The following CSMD1 variants were observed in gnomAD, a reference collection of about 807,000 sequenced individuals.
CSMD1 encodes the protein CUB and Sushi multiple domains 1.
Under a neutral mutation model 417.5 loss-of-function variants are expected in CSMD1, and 213 were observed. The observed-to-expected ratio is 0.51, with a 90% CI of 0.46 to 0.57. CSMD1 has a LOEUF of 0.57. CSMD1 is among the 20% of genes least tolerant of loss of function. CSMD1 has a pLI of 0.00. For missense variants in CSMD1, 6,923 were observed against 4,529.7 expected (o/e 1.53, Z -15.17); for synonymous variants, 2,862 against 1,736.8 (o/e 1.65, Z -16.11).
intron 2 of CSMD1, among the ~76,000 whole-genome samples, chr8:4,516,964 A>G (rs1371538081): frequency 6.6e-6 from 1 of 152,146 alleles, no homozygotes. Context: ...ACTTTTCACT[A>G]TGAAAGATGA....
chr8:3,575,007 GAT>G lies in CSMD1; in HGVS notation c.1280_1281del (p.Tyr427SerfsTer5). On this transcript the variant is annotated frameshift_variant, in exon 10 of 70. Transcript: ENST00000635120. LOFTEE classifies it high-confidence loss of function. The part of the protein sequence containing the change: ...GPSGVITSPN[Y>X]PVQYEDNAHC... ...TGTGCATTATCTTCATACTGAACCG[GAT>G]AATTAGGGGAGGTAATGACGCCGCT... 1 of 1,612,858 alleles carries G rather than the reference GAT, an allele frequency of 6.2e-7. No homozygotes were observed. Among genetic ancestry groups the G allele is most frequent in the Non-Finnish European group, 8.5e-7 (1 of 1,179,476 alleles).
Position 4,561,223 on chromosome 8 carries a change from A to T in CSMD1, c.302+76119T>A, listed in dbSNP as rs560849201. Reference sequence around the variant, plus strand: ...CATCTCTGCTAAAATACAAAAAAACAAACAGTCAGGCGTGGTAGTGTGTGC... The same window carrying T: ...CATCTCTGCTAAAATACAAAAAAACTAACAGTCAGGCGTGGTAGTGTGTGC... On this transcript the variant is annotated intron_variant, in intron 2 of 69. Transcript: ENST00000635120. Among the ~76,000 whole-genome samples, 7 of 152,256 alleles carry T rather than the reference A, an allele frequency of 4.6e-5. No homozygotes were observed. The East Asian group carries it at 9.7e-4, about 21-fold the overall frequency.
chr8:4,159,279 G>C (rs556007237), intron 3 of CSMD1, among the ~76,000 whole-genome samples: 1 of 152,136 alleles, frequency 6.6e-6, no homozygotes, highest in African/African-American at 2.4e-5. Flanking sequence ...TTTAGTGTAA[G>C]TTTAATTTAT....
rs1253825959 is a variant in CSMD1 at position 3,970,033 on chromosome 8, T to C, written c.818+27870A>G. ...CAATAATTCTTTCTCACCTTTCCCT[T>C]CAGCATACTGAGCTACCAAACTACT... On this transcript the variant is annotated intron_variant, in intron 5 of 69. Coordinates refer to ENST00000635120, the MANE Select transcript of CSMD1 (RefSeq NM_033225.6). 2.0e-5 allele frequency among the ~76,000 whole-genome samples: 3 copies of C among 152,334 alleles called. No individual in the cohort carries two copies. In the East Asian group the frequency reaches 5.8e-4, roughly 29 times the overall value.
At chr8:4,516,476 G>A (rs970192663) in intron 2 of CSMD1, among the ~76,000 whole-genome samples, 20 of 152,246 alleles carry the variant, frequency 1.3e-4, no homozygotes, top group African/African-American at 3.9e-4. Context: ...GAGAGACAAC[G>A]GCTGGACCCC....
At chr8:4,444,146 A>G (rs1463089809) in intron 2 of CSMD1, among the ~76,000 whole-genome samples, 1 of 151,866 alleles carries the variant, frequency 6.6e-6, no homozygotes, top group African/African-American at 2.4e-5. Flanking sequence ...ATTTGAGACC[A>G]CTCTGGCCAA....
chr8:3,712,418 CAGACAGACAGACAGACAGACAGACAGAG>C (rs1801576375), intron 6 of CSMD1, among the ~76,000 whole-genome samples: 1 of 134,300 alleles, frequency 7.4e-6, no homozygotes, highest in South Asian at 2.2e-4. Context: ...GACAGACAGA[CAGACAGACAGACAGACAGACAGACAGAG>C]AGAGAGAGAA....
intron 21 of CSMD1, among the ~76,000 whole-genome samples, chr8:3,357,993 A>C (rs1190996151): frequency 6.6e-6 from 1 of 152,220 alleles, no homozygotes; most frequent in Admixed American, 6.5e-5. Context: ...CCAGAAATAT[A>C]GCTTTATCAT....
intron 5 of CSMD1, among the ~76,000 whole-genome samples, chr8:3,805,726 C>G (rs895341256): frequency 1.3e-5 from 2 of 151,836 alleles, no homozygotes; most frequent in Admixed American, 6.6e-5. Context: ...TTTTTTAATT[C>G]GAGAATCTTA....
At chr8:4,308,699 A>C (rs1798391694) in intron 3 of CSMD1, among the ~76,000 whole-genome samples, 1 of 152,202 alleles carries the variant, frequency 6.6e-6, no homozygotes, top group Admixed American at 6.5e-5. Context: ...TTTGGAGTTT[A>C]ATTGCATTTG....
intron 5 of CSMD1, among the ~76,000 whole-genome samples, chr8:3,920,376 T>C (rs2129143696): frequency 6.6e-6 from 1 of 152,060 alleles, no homozygotes; most frequent in South Asian, 2.1e-4. Flanking sequence ...TGTGTGTGTT[T>C]ATGTGTGTGT....
chr8:4,045,632 G>A (rs1224126824), intron 3 of CSMD1, among the ~76,000 whole-genome samples: 3 of 152,204 alleles, frequency 2.0e-5, no homozygotes, highest in Admixed American at 6.5e-5. Flanking sequence ...TAGAAAAGGG[G>A]AAATTAGCTT....
intron 3 of CSMD1, among the ~76,000 whole-genome samples, chr8:4,243,978 G>A (rs1231516349): frequency 6.6e-6 from 1 of 152,182 alleles, no homozygotes; most frequent in East Asian, 1.9e-4. Context: ...ACGGGTTACA[G>A]TGGCAGAATT....
intron 5 of CSMD1, among the ~76,000 whole-genome samples, chr8:3,961,036 G>C (rs1039979777): frequency 6.6e-6 from 1 of 151,896 alleles, no homozygotes; most frequent in African/African-American, 2.4e-5. Context: ...TTTTAAAAAA[G>C]AGGAAAAGAT....
intron 10 of CSMD1, among the ~76,000 whole-genome samples, chr8:3,559,203 T>C (rs1161694313): frequency 6.6e-6 from 1 of 152,204 alleles, no homozygotes. Context: ...GGGCAATAAG[T>C]ATCAATATTT....
At chr8:3,517,356 A>G (rs889095968) in intron 10 of CSMD1, among the ~76,000 whole-genome samples, 1 of 152,182 alleles carries the variant, frequency 6.6e-6, no homozygotes, top group African/African-American at 2.4e-5. Context: ...AAGCAAAACT[A>G]TAGTGGTGTT....
chr8:4,654,927 G>A (rs577556490), intron 1 of CSMD1, among the ~76,000 whole-genome samples: 2 of 151,554 alleles, frequency 1.3e-5, no homozygotes, highest in East Asian at 3.9e-4. Context: ...TAACAAACCT[G>A]CACAGGTATC....
At chr8:4,010,718 A>G (rs192437662) in intron 4 of CSMD1, among the ~76,000 whole-genome samples, 19 of 152,130 alleles carry the variant, frequency 1.2e-4, no homozygotes, top group African/African-American at 4.3e-4. Flanking sequence ...TGTCCCTATC[A>G]TGTCCTCATC....
At chr8:3,277,597 T>C (rs540336946) in intron 26 of CSMD1, among the ~76,000 whole-genome samples, 20 of 152,056 alleles carry the variant, frequency 1.3e-4, no homozygotes, top group Admixed American at 1.2e-3. Flanking sequence ...CAGGATGGAG[T>C]TGACTTTACC....
Sources: gnomAD v4.1 joint callset for allele counts (sites outside exome capture counted in the v4.1 genomes callset) on GRCh38, gnomAD v4.1.1 for gene constraint, MANE v1.5 for transcripts, NCBI Gene and HGNC (gene_info 2026-07-23, HGNC 2026-07-21) for gene names.